ATG16L2: variants seen among roughly 807,000 people sequenced by gnomAD.
ATG16L2 encodes autophagy related 16 like 2.
In ATG16L2, 77 loss-of-function variants were observed where a neutral mutation model predicts 84.7. That is an observed-to-expected ratio of 0.91 (90% CI 0.76 to 1.10). The LOEUF (loss-of-function observed/expected upper bound fraction) is 1.10. ATG16L2 is among the 50% of genes least tolerant of loss of function. ATG16L2 has a pLI of 0.00. For synonymous variants in ATG16L2, 361 were observed against 342.8 expected, an observed-to-expected ratio of 1.05 and a Z score of -0.59; for missense variants, 782 against 817.6, an observed-to-expected ratio of 0.96 and a Z score of 0.53.
intron 3 of ATG16L2, chr11:72,818,142 T>A: frequency 2.5e-6 from 1 of 400,950 alleles, no homozygotes; most frequent in Non-Finnish European, 4.6e-6. Context: ...CACTACTCCA[T>A]GGCTCACCCC....
rs750510058 is a variant in ATG16L2, at chr11:72,822,458, G to A, written c.645-20G>A. 6.2e-7 allele frequency: 1 copy of A among 1,612,772 alleles called. No individual in the cohort carries two copies. The highest frequency in any genetic ancestry group is 8.5e-7 in the Non-Finnish European group (1 of 1,179,404). On this transcript the variant is annotated intron_variant, in intron 5 of 17. Coordinates refer to ENST00000321297, the MANE Select transcript of ATG16L2 (RefSeq NM_033388.2). The surrounding 1 kb of genome is among the most constrained non-coding windows in gnomAD (Gnocchi z 4.2). ...GCGAGGCGCCGCGCCAGGGTCTCAG[G>A]ATGCTTTTTACCCAACAAGGGCCAA...
downstream of ATG16L2, among the ~76,000 whole-genome samples, chr11:72,833,538 C>T (rs547908984): frequency 6.6e-6 from 1 of 152,270 alleles, no homozygotes; most frequent in East Asian, 1.9e-4. Flanking sequence ...CTCACAGGAG[C>T]AAGTGGTGAA....
At chr11:72,841,394 CGAA>C (rs1860935083) in intron 5 of ATG16L2, 3 of 1,079,272 alleles carry the variant, frequency 2.8e-6, no homozygotes, top group Non-Finnish European at 4.0e-6. Context: ...GCCCTTCAGG[CGAA>C]TATGTAGGTT....
At chr11:72,824,146 T>C (rs769179882) in intron 8 of ATG16L2, 24 bp downstream of exon 8, 6 of 1,614,004 alleles carry the variant, frequency 3.7e-6, no homozygotes, top group Admixed American at 1.7e-5. Flanking sequence ...TGCCTGTGTG[T>C]GCACCCACGT....
chr11:72,828,554 C>G (rs1860496814), intron 15 of ATG16L2, 46 bp downstream of exon 15: 3 of 1,611,566 alleles, frequency 1.9e-6, no homozygotes, highest in Admixed American at 3.3e-5. Context: ...GCTGGGACAG[C>G]TGAGCCTCTC....
Position 72,829,540 on chromosome 11 carries a change from T to C in ATG16L2, c.*150T>C. ...AGGACCTGGCCTGTTTGTTTAAAAA[T>C]GAAGTATGGGTTGGGGGATTACGCT... On this transcript the variant is annotated 3_prime_UTR_variant, in exon 18 of 18. Transcript: ENST00000321297. 4.2e-6 allele frequency: 6 copies of C among 1,414,448 alleles called. 1 individual carries two copies. The highest frequency in any genetic ancestry group is 1.5e-5 in the South Asian group (1 of 65,310). The allele number at this position is 1,414,448 out of a possible 1,614,324, so 87.6% of individuals were successfully genotyped here.
At position 72,829,630 on chromosome 11, in the gene ATG16L2, T is replaced by C. The variant is rs1023687080; in HGVS notation, c.*240T>C. Reference sequence around the variant, plus strand: ...TCTCCCAAAGTAGAAAAAAATGATATCTGAACTGCGTCTGCCTACCTCTTT... The same window carrying C: ...TCTCCCAAAGTAGAAAAAAATGATACCTGAACTGCGTCTGCCTACCTCTTT... On this transcript the variant is annotated 3_prime_UTR_variant, in exon 18 of 18. Transcript: ENST00000321297. 3.1e-5 allele frequency: 41 copies of C among 1,330,532 alleles called. No individual in the cohort carries two copies. In the Admixed American group the frequency reaches 4.7e-4, roughly 15 times the overall value. The allele number at this position is 1,330,532 out of a possible 1,614,324, so 82.4% of individuals were successfully genotyped here.
rs756855763 is a variant in ATG16L2 at position 72,822,990 on chromosome 11, T to G, written c.824+29T>G. 1.3e-5 allele frequency: 19 copies of G among 1,496,374 alleles called. No individual in the cohort carries two copies. The allele number at this position is 1,496,374 out of a possible 1,614,324, so 92.7% of individuals were successfully genotyped here. On this transcript the variant is annotated intron_variant, in intron 7 of 17. Coordinates refer to ENST00000321297, the MANE Select transcript of ATG16L2 (RefSeq NM_033388.2). This position sits in a 1 kb window ranked among gnomAD's most constrained non-coding sequence, Gnocchi z 4.2. ...AGGACCCAGGTGACAGTCTCAGAGC[T>G]CTGAGCTGAGCCCCACCCCAGAGGC...
intron 5 of ATG16L2, chr11:72,838,544 T>G (rs574549620): frequency 1.5e-5 from 8 of 539,964 alleles, no homozygotes; most frequent in Non-Finnish European, 2.7e-5. Context: ...CCCCCCTCTT[T>G]GCTCCTAGGG....
At chr11:72,835,348 G>C (rs1860702863) in intron 5 of ATG16L2, among the ~76,000 whole-genome samples, 1 of 152,234 alleles carries the variant, frequency 6.6e-6, no homozygotes. Flanking sequence ...AAGGACCCTA[G>C]TTCTGGAGGG....
At chr11:72,834,321 G>A (rs1013670021), downstream of ATG16L2, among the ~76,000 whole-genome samples, 110 of 152,194 alleles carry the variant, frequency 7.2e-4, no homozygotes, top group African/African-American at 2.5e-3. Context: ...AGCTGCAGCT[G>A]GGTTCTTCAG....
Position 72,828,710 on chromosome 11 carries a change from C to T in ATG16L2, c.1623-19C>T. 1 of 1,614,110 alleles carries T rather than the reference C, an allele frequency of 6.2e-7. No homozygotes were observed. Among genetic ancestry groups the T allele is most frequent in the Middle Eastern group, 1.6e-4 (1 of 6,062 alleles). On this transcript the variant is annotated intron_variant, in intron 15 of 17. Transcript: ENST00000321297. ...CTAGTGATGACCTCTGTTCTGACCC[C>T]AGCCCTGTCTGTCCTCAGGGCCGAT... is the stretch of plus-strand genomic sequence containing the variant.
chr11:72,820,765 GC>G (rs1320872276), intron 3 of ATG16L2, among the ~76,000 whole-genome samples: 1 of 152,056 alleles, frequency 6.6e-6, no homozygotes, highest in Admixed American at 6.5e-5. Flanking sequence ...GGCGCCTCTG[GC>G]CCTCATGTTC....
At chr11:72,816,688 A>G (rs1250330790) in intron 1 of ATG16L2, 40 bp from the exon 2 acceptor site, 3 of 1,520,006 alleles carry the variant, frequency 2.0e-6, no homozygotes, top group Admixed American at 3.4e-5. Context: ...GCTGCTGGGT[A>G]TCTGTCTCTG....
chr11:72,822,706 G>T lies in ATG16L2; in HGVS notation c.711-142G>T, dbSNP rs926767844. ...TGCAGAGGACCGTGTGGTCGTAGGA[G>T]CCTGCATGCGTGACCGCTGCACGTG... On this transcript the variant is annotated intron_variant, in intron 6 of 17. Coordinates refer to ENST00000321297, the MANE Select transcript of ATG16L2 (RefSeq NM_033388.2). The surrounding 1 kb of genome is among the most constrained non-coding windows in gnomAD (Gnocchi z 4.2). 11 of 1,066,890 alleles carry T rather than the reference G, an allele frequency of 1.0e-5. No homozygotes were observed. In the East Asian group the frequency reaches 2.6e-4, roughly 25 times the overall value. 66.1% of individuals were successfully genotyped at this position (1,066,890 alleles called of 1,614,324 possible).
chr11:72,841,471 C>G lies in ATG16L2; in HGVS notation c.*22-1146C>G. On this transcript the variant is annotated intron_variant, in intron 5 of 5. Coordinates refer to the ATG16L2 transcript ENST00000534905. ...ACCCTTACCGTTTGCTGAAGGAGAC[C>G]GGGGAAAGTACAGGGAGCTCCTCTT... 1 of 1,610,516 alleles carries G rather than the reference C, an allele frequency of 6.2e-7. No individual in the cohort carries two copies. Among genetic ancestry groups the G allele is most frequent in the South Asian group, 1.1e-5 (1 of 90,242 alleles).
intron 2 of ATG16L2, among the ~76,000 whole-genome samples, chr11:72,817,245 T>C (rs919802024): frequency 2.0e-5 from 3 of 152,038 alleles, no homozygotes; most frequent in African/African-American, 7.2e-5. Context: ...GCTTTGCTTT[T>C]TTTTTTTTGA....
At position 72,829,468 on chromosome 11, in the gene ATG16L2, T is replaced by C. The variant is rs1360241284; in HGVS notation, c.*78T>C. On this transcript the variant is annotated 3_prime_UTR_variant, in exon 18 of 18. Coordinates refer to ENST00000321297, the MANE Select transcript of ATG16L2 (RefSeq NM_033388.2). ...CTTCGGCGCCATGCAGGGGTTGGGG[T>C]TGGGACTGGAGCTGGCCTTGGGATT... 26 of 1,546,232 alleles carry C rather than the reference T, an allele frequency of 1.7e-5. No homozygotes were observed. Among genetic ancestry groups the C allele is most frequent in the Middle Eastern group, 2.3e-4 (1 of 4,282 alleles).
At chr11:72,814,655 C>A in intron 1 of ATG16L2, 92 bp downstream of exon 1, 1 of 1,073,366 alleles carries the variant, frequency 9.3e-7, no homozygotes. Flanking sequence ...CGCCTGTGAC[C>A]CGAGTGCGCT....
Sources: gnomAD v4.1 joint callset for allele counts (sites outside exome capture counted in the v4.1 genomes callset) on GRCh38, gnomAD v4.1.1 for gene constraint, Gnocchi (gnomAD v3.1) non-coding constraint, MANE v1.5 for transcripts, NCBI Gene and HGNC (gene_info 2026-07-23, HGNC 2026-07-21) for gene names.